Variants in RARB observed in about 807,000 individuals in gnomAD.
RARB encodes HBV-activated protein.
Under a neutral mutation model 51.9 loss-of-function variants are expected in RARB, and 17 were observed. The ratio of observed to expected loss-of-function variants is 0.33; its 90% CI spans 0.22 to 0.49. RARB has a LOEUF of 0.49. RARB is among the 20% of genes least tolerant of loss of function. RARB has a pLI of 0.99. For missense variants in RARB, 369 were observed against 550.8 expected (o/e 0.67, Z 3.30); for synonymous variants, 215 against 195.4 (o/e 1.10, Z -0.84).
At chr3:25,333,064 A>G (rs1412203751) in intron 5 of RARB, among the ~76,000 whole-genome samples, 2 of 152,208 alleles carry the variant, frequency 1.3e-5, no homozygotes, top group Non-Finnish European at 2.9e-5. Flanking sequence ...ATGCTCATGG[A>G]TAGGAAGAAT....
intron 3 of RARB, among the ~76,000 whole-genome samples, chr3:25,560,657 G>GCTGGAATGCTGGT (rs1700233605): frequency 6.6e-6 from 1 of 152,140 alleles, no homozygotes; most frequent in South Asian, 2.1e-4. Flanking sequence ...AGAGCACCAG[G>GCTGGAATGCTGGT]CTGGAATGCT....
At chr3:25,015,371 A>C (rs1697485800) in intron 2 of RARB, among the ~76,000 whole-genome samples, 1 of 152,192 alleles carries the variant, frequency 6.6e-6, no homozygotes. Context: ...TGAACTTTCA[A>C]GAAATGAATA....
At chr3:25,593,114 A>G (rs1701675642) in intron 5 of RARB, among the ~76,000 whole-genome samples, 1 of 152,184 alleles carries the variant, frequency 6.6e-6, no homozygotes, top group Non-Finnish European at 1.5e-5. Flanking sequence ...CATTTAATAA[A>G]TTGTCATTTA....
chr3:25,541,244 C>T (rs985954069), intron 3 of RARB, among the ~76,000 whole-genome samples: 10 of 152,074 alleles, frequency 6.6e-5, no homozygotes, highest in Non-Finnish European at 1.5e-5. Flanking sequence ...GCCCTGAATC[C>T]CTCCTCATCC....
In RARB at chr3:25,569,726, G is replaced by A. The variant is rs144176800; in HGVS notation, c.449-32G>A. ...CAGGAGCACAGGCCCAGCCTTCAGCGACCCCTGATGTGCCTTCTCTCTCGT... is the reference window on the plus strand; with the variant it reads ...CAGGAGCACAGGCCCAGCCTTCAGCAACCCCTGATGTGCCTTCTCTCTCGT... On this transcript the variant is annotated intron_variant, in intron 3 of 7. Coordinates refer to ENST00000330688, the MANE Select transcript of RARB (RefSeq NM_000965.5). The A allele has an allele frequency of 1.6e-3, 2,586 of 1,599,674 alleles. 33 individuals are homozygous for A. In the African/African-American group the frequency reaches 0.022, roughly 14 times the overall value.
chr3:25,424,324 G>A (rs929305505), upstream of RARB, among the ~76,000 whole-genome samples: 1 of 152,142 alleles, frequency 6.6e-6, no homozygotes, highest in Admixed American at 6.5e-5. Context: ...ATACTGAAGG[G>A]CCACAAGCAA....
intron 2 of RARB, among the ~76,000 whole-genome samples, chr3:24,924,661 A>G (rs752929456): frequency 1.3e-5 from 2 of 152,156 alleles, no homozygotes; most frequent in Admixed American, 6.6e-5. Flanking sequence ...ATTGATGTCA[A>G]TGAGGTTATG....
At chr3:24,944,422 A>G (rs1695732606) in intron 2 of RARB, among the ~76,000 whole-genome samples, 1 of 152,218 alleles carries the variant, frequency 6.6e-6, no homozygotes, top group South Asian at 2.1e-4. Flanking sequence ...TTTGATTTGC[A>G]TTATCTCATT....
intron 5 of RARB, among the ~76,000 whole-genome samples, chr3:25,294,364 G>A (rs912103767): frequency 2.0e-5 from 3 of 152,156 alleles, no homozygotes; most frequent in East Asian, 1.9e-4. Context: ...AGTCCTGGTA[G>A]TGAATTCATT....
At chr3:25,350,859 C>A (rs1372315114) in intron 5 of RARB, among the ~76,000 whole-genome samples, 1 of 152,152 alleles carries the variant, frequency 6.6e-6, no homozygotes, top group Non-Finnish European at 1.5e-5. Flanking sequence ...GGCTGCATGT[C>A]CCCTTGTTGC....
intron 2 of RARB, among the ~76,000 whole-genome samples, chr3:25,479,216 G>C (rs1453617179): frequency 6.6e-6 from 1 of 152,076 alleles, no homozygotes; most frequent in Non-Finnish European, 1.5e-5. Context: ...GTCAAGGGAA[G>C]GGCAATGAGA....
At chr3:25,481,319 C>T (rs1026744370) in intron 2 of RARB, among the ~76,000 whole-genome samples, 1 of 152,128 alleles carries the variant, frequency 6.6e-6, no homozygotes, top group Non-Finnish European at 1.5e-5. Context: ...TAGCTCAATT[C>T]AGTTTGGAAA....
chr3:25,544,797 G>A (rs1289468546), intron 3 of RARB, among the ~76,000 whole-genome samples: 1 of 152,168 alleles, frequency 6.6e-6, no homozygotes, highest in Non-Finnish European at 1.5e-5. Context: ...TCTGGAGTGT[G>A]TAGATTTTTG....
At chr3:24,882,538 G>T (rs577477711) in intron 2 of RARB, among the ~76,000 whole-genome samples, 1 of 152,266 alleles carries the variant, frequency 6.6e-6, no homozygotes, top group African/African-American at 2.4e-5. Context: ...TGGATACAAA[G>T]GGTGACTGTA....
chr3:25,524,358 AG>A (rs1433283272), intron 3 of RARB, among the ~76,000 whole-genome samples: 11 of 152,206 alleles, frequency 7.2e-5, no homozygotes, highest in Admixed American at 2.0e-4. Context: ...TTTACAGTCA[AG>A]GTCAAGGTGT....
At chr3:25,332,360 G>A (rs975337284) in intron 5 of RARB, among the ~76,000 whole-genome samples, 18 of 152,158 alleles carry the variant, frequency 1.2e-4, no homozygotes, top group African/African-American at 3.9e-4. Context: ...GGGATGCAAG[G>A]CTGGTTCAAC....
At chr3:25,304,182 G>C (rs540881620) in intron 5 of RARB, among the ~76,000 whole-genome samples, 15 of 152,196 alleles carry the variant, frequency 9.9e-5, no homozygotes, top group African/African-American at 3.4e-4. Flanking sequence ...CTGGCAGATA[G>C]TCAAGGCCTT....
At chr3:24,964,758 T>G (rs888085945) in intron 2 of RARB, among the ~76,000 whole-genome samples, 2 of 152,154 alleles carry the variant, frequency 1.3e-5, no homozygotes, top group Non-Finnish European at 2.9e-5. Context: ...TGAGCAATTG[T>G]CTCCTTGCCA....
intron 3 of RARB, among the ~76,000 whole-genome samples, chr3:25,559,559 T>C (rs1700192059): frequency 6.6e-6 from 1 of 152,256 alleles, no homozygotes; most frequent in Non-Finnish European, 1.5e-5. Context: ...AATGATACCT[T>C]CTTACTCTTG....
Sources: gnomAD v4.1 joint callset for allele counts (sites outside exome capture counted in the v4.1 genomes callset) on GRCh38, gnomAD v4.1.1 for gene constraint, MANE v1.5 for transcripts, NCBI Gene and HGNC (gene_info 2026-07-23, HGNC 2026-07-21) for gene names.